Variants in SMAD6 observed in about 807,000 individuals in gnomAD.
SMAD6 encodes the protein MAD homolog 6.
A neutral mutation model predicts 39.4 loss-of-function variants in SMAD6; 103 were observed. That is an observed-to-expected ratio of 2.62 (90% CI 2.23 to 3.08). The LOEUF (loss-of-function observed/expected upper bound fraction) is 3.08, where lower values mean the gene tolerates loss of function less well. SMAD6 is among the 30% of genes most tolerant of loss of function. The pLI, the probability that SMAD6 is intolerant of heterozygous loss-of-function variation, is 0.00. For missense variants in SMAD6, 1,104 were observed against 742.9 expected (o/e 1.49, Z -5.65); for synonymous variants, 445 against 353.3 (o/e 1.26, Z -2.91).
At chr15:66,741,901 A>G (rs1893821953) in intron 3 of SMAD6, among the ~76,000 whole-genome samples, 1 of 152,202 alleles carries the variant, frequency 6.6e-6, no homozygotes, top group South Asian at 2.1e-4. Context: ...CTGAGGCTGC[A>G]AGGCCGCTCT....
intron 3 of SMAD6, among the ~76,000 whole-genome samples, chr15:66,779,073 T>C (rs571810738): frequency 6.6e-6 from 1 of 151,994 alleles, no homozygotes; most frequent in Admixed American, 6.6e-5. Context: ...CTGTGCCAGG[T>C]AGATGGCTGG....
At chr15:66,761,293 C>T (rs1310020605) in intron 3 of SMAD6, among the ~76,000 whole-genome samples, 1 of 152,196 alleles carries the variant, frequency 6.6e-6, no homozygotes, top group Non-Finnish European at 1.5e-5. Flanking sequence ...AACGGGTGTG[C>T]AGAGACTTTC....
intron 1 of SMAD6, among the ~76,000 whole-genome samples, chr15:66,709,936 T>TG (rs1893194777): frequency 6.6e-6 from 1 of 152,236 alleles, no homozygotes; most frequent in Admixed American, 6.5e-5. Flanking sequence ...TGGCCACAGA[T>TG]GCATTCAACT....
At chr15:66,732,163 T>G (rs1893642293) in intron 3 of SMAD6, among the ~76,000 whole-genome samples, 3 of 152,176 alleles carry the variant, frequency 2.0e-5, no homozygotes, top group African/African-American at 7.2e-5. Flanking sequence ...CAGGCTGGTC[T>G]TGAACTCTTG....
chr15:66,704,049 A>C lies in SMAD6; in HGVS notation c.791A>C (p.Tyr264Ser). 2.7e-6 allele frequency: 4 copies of C among 1,507,222 alleles called. No homozygotes were observed. The highest frequency in any genetic ancestry group is 3.5e-6 in the Non-Finnish European group (4 of 1,136,836). 93.4% of individuals were successfully genotyped at this position (1,507,222 alleles called of 1,614,324 possible). A position where few individuals can be genotyped will look rare whatever the true frequency, so the allele number is the denominator to read the frequency against. The change falls in exon 1 of 4, where the codon TAC (tyrosine) becomes TCC (serine). Residue 264 changes from tyrosine to serine, a missense_variant. Tyr to Ser is a moderately radical substitution (Grantham distance 144). Transcript: ENST00000288840. ...GGCCCTACCGTGTGCTGCAACCCCT[A>C]CCACTTCAGCCGGCTCTGCGGGCCC... Reference protein sequence around the residue: ...ADGPTVCCNPYHFSRLCGPES... With the variant: ...ADGPTVCCNPSHFSRLCGPES...
chr15:66,726,466 G>A lies in SMAD6; in HGVS notation c.952+9968G>A, dbSNP rs570104305. Reference sequence around the variant, plus strand: ...TGGGGGGCTAGGTGATGAAATCTCTGGGGCTTCCTGTGCTGTTTGACTGAG... The same window carrying A: ...TGGGGGGCTAGGTGATGAAATCTCTAGGGCTTCCTGTGCTGTTTGACTGAG... On this transcript the variant is annotated intron_variant, in intron 3 of 3. Transcript: ENST00000288840. 3.9e-5 allele frequency among the ~76,000 whole-genome samples: 6 copies of A among 152,294 alleles called. No homozygotes were observed. The South Asian group carries it at 1.2e-3, about 32-fold the overall frequency.
intron 3 of SMAD6, among the ~76,000 whole-genome samples, chr15:66,778,714 CTG>C (rs1475668883): frequency 6.6e-6 from 1 of 152,218 alleles, no homozygotes; most frequent in Non-Finnish European, 1.5e-5. Flanking sequence ...AGAACTCTAT[CTG>C]GAGTGTGGAG....
intron 3 of SMAD6, among the ~76,000 whole-genome samples, chr15:66,760,383 C>T (rs966162445): frequency 6.6e-6 from 1 of 152,164 alleles, no homozygotes; most frequent in Admixed American, 6.5e-5. Flanking sequence ...TCCCTGCGTG[C>T]CAGAGCAGAA....
chr15:66,714,133 C>T (rs2140600404), intron 2 of SMAD6, among the ~76,000 whole-genome samples: 1 of 152,308 alleles, frequency 6.6e-6, no homozygotes, highest in African/African-American at 2.4e-5. Context: ...TTCTTAGCAC[C>T]TCAGTTTGAA....
At chr15:66,759,337 A>G (rs1894158289) in intron 3 of SMAD6, among the ~76,000 whole-genome samples, 1 of 34,980 alleles carries the variant, frequency 2.9e-5, no homozygotes, top group Non-Finnish European at 6.3e-5. Flanking sequence ...ACAGAGAGGA[A>G]GAGAGAGAGA....
intron 3 of SMAD6, among the ~76,000 whole-genome samples, chr15:66,735,134 A>G (rs1362223343): frequency 6.6e-6 from 1 of 152,228 alleles, no homozygotes; most frequent in Non-Finnish European, 1.5e-5. Flanking sequence ...ATGCCAGGAC[A>G]CCATCCCAGA....
chr15:66,708,827 T>C, intron 1 of SMAD6: 1 of 452,292 alleles, frequency 2.2e-6, no homozygotes, highest in Admixed American at 2.4e-5. Flanking sequence ...ATAAAAAAAA[T>C]GTCTTGTGTT....
intron 3 of SMAD6, among the ~76,000 whole-genome samples, chr15:66,721,002 G>GGA (rs1325079692): frequency 1.3e-5 from 2 of 152,188 alleles, no homozygotes; most frequent in Non-Finnish European, 1.5e-5. Context: ...TAGGCTACAT[G>GGA]GAGAGTTGGG....
chr15:66,704,086 T>TGCGCC lies in SMAD6; in HGVS notation c.817+13_817+17dup. 1 of 1,457,724 alleles carries TGCGCC rather than the reference T, an allele frequency of 6.9e-7. No individual in the cohort carries two copies. Among genetic ancestry groups the TGCGCC allele is most frequent in the South Asian group, 1.3e-5 (1 of 75,340 alleles). The allele number at this position is 1,457,724 out of a possible 1,614,324, so 90.3% of individuals were successfully genotyped here. On this transcript the variant is annotated intron_variant, in intron 1 of 3. Transcript: ENST00000288840. ...GGCTCTGCGGGCCCGGTGAGCGCGC[T>TGCGCC]GCGCCGGCCGGGGGGGCCCCGGGTC...
chr15:66,764,093 C>T (rs571819491), intron 3 of SMAD6, among the ~76,000 whole-genome samples: 27 of 152,202 alleles, frequency 1.8e-4, no homozygotes, highest in Non-Finnish European at 3.1e-4. Flanking sequence ...AGGATACTGT[C>T]TAAGAAACCA....
chr15:66,708,999 C>T (rs1349071536), intron 1 of SMAD6, among the ~76,000 whole-genome samples: 1 of 152,212 alleles, frequency 6.6e-6, no homozygotes, highest in Non-Finnish European at 1.5e-5. Flanking sequence ...GTAACACCTG[C>T]AGCTACCTTC....
chr15:66,736,857 A>AC (rs1893721246), intron 3 of SMAD6, among the ~76,000 whole-genome samples: 1 of 152,008 alleles, frequency 6.6e-6, no homozygotes, highest in Non-Finnish European at 1.5e-5. Flanking sequence ...TTTAGTAGAG[A>AC]CGGGGTTTCA....
At position 66,703,698 on chromosome 15, in the gene SMAD6, G is replaced by T; in HGVS notation, c.440G>T (p.Gly147Val). Reference sequence around the variant, plus strand: ...CGGGACGCCAGCGACCCCCTGGCCGGGGCGGCCCTGGAGCCGGCGGGCGGC... The same window carrying T: ...CGGGACGCCAGCGACCCCCTGGCCGTGGCGGCCCTGGAGCCGGCGGGCGGC... Reference protein sequence around the residue: ...APRDASDPLAGAALEPAGGGR... With the variant: ...APRDASDPLAVAALEPAGGGR... Residue 147 changes from glycine to valine, a missense_variant, in exon 1 of 4, where the codon GGG becomes GTG. Gly to Val is a moderately radical substitution (Grantham distance 109, BLOSUM62 -3). Coordinates refer to ENST00000288840, the MANE Select transcript of SMAD6 (RefSeq NM_005585.5). 7.8e-7 allele frequency: 1 copy of T among 1,287,274 alleles called. No individual in the cohort carries two copies. The highest frequency in any genetic ancestry group is 9.9e-7 in the Non-Finnish European group (1 of 1,010,716). The allele number at this position is 1,287,274 out of a possible 1,614,324, so 79.7% of individuals were successfully genotyped here.
At chr15:66,723,093 T>A (rs1893462398) in intron 3 of SMAD6, among the ~76,000 whole-genome samples, 1 of 152,172 alleles carries the variant, frequency 6.6e-6, no homozygotes, top group South Asian at 2.1e-4. Context: ...GAGCTAGGGC[T>A]TCTCTCCTGG....
Sources: gnomAD v4.1 joint callset for allele counts (sites outside exome capture counted in the v4.1 genomes callset) on GRCh38, gnomAD v4.1.1 for gene constraint, MANE v1.5 for transcripts, NCBI Gene and HGNC (gene_info 2026-07-23, HGNC 2026-07-21) for gene names.